Variants in MYOM2 observed in about 807,000 individuals in gnomAD.
The protein encoded by MYOM2 is myomesin 2, also known as myomesin-2.
MYOM2 carries 254 observed loss-of-function variants against 187.6 expected under a neutral mutation model. The observed-to-expected ratio is 1.35, with a 90% CI of 1.22 to 1.50. The LOEUF is 1.50. Ranked by LOEUF, MYOM2 falls within the 40% of genes most tolerant of loss-of-function variation. MYOM2 has a pLI of 0.00. For missense variants in MYOM2, 2,796 were observed against 1,924.0 expected, an observed-to-expected ratio of 1.45 and a Z score of -8.48; for synonymous variants, 981 against 753.8, an observed-to-expected ratio of 1.30 and a Z score of -4.94.
chr8:2,066,001 T>G (rs1819007206), intron 6 of MYOM2, among the ~76,000 whole-genome samples: 1 of 151,736 alleles, frequency 6.6e-6, no homozygotes, highest in Non-Finnish European at 1.5e-5. Flanking sequence ...AGCAGCAGGG[T>G]TTTCAAGGGG....
At chr8:2,095,743 G>A (rs776644175) in intron 17 of MYOM2, among the ~76,000 whole-genome samples, 1 of 152,190 alleles carries the variant, frequency 6.6e-6, no homozygotes, top group Non-Finnish European at 1.5e-5. Flanking sequence ...CGTTTCAAAT[G>A]CCCTGCTCAA....
At chr8:2,116,906 C>T (rs1016600107) in intron 27 of MYOM2, among the ~76,000 whole-genome samples, 6 of 150,608 alleles carry the variant, frequency 4.0e-5, no homozygotes, top group Admixed American at 6.7e-5. Flanking sequence ...TACAGGCGCC[C>T]GCCACTATGC....
intron 15 of MYOM2, 30 bp from the exon 16 acceptor site, chr8:2,092,316 T>C (rs895665871): frequency 6.2e-7 from 1 of 1,608,556 alleles, no homozygotes; most frequent in Middle Eastern, 1.7e-4. Context: ...CTGATGCCAT[T>C]TCACCACTCC....
intron 1 of MYOM2, among the ~76,000 whole-genome samples, chr8:2,050,517 C>G (rs183360563): frequency 2.6e-5 from 4 of 152,350 alleles, no homozygotes; most frequent in African/African-American, 7.2e-5. Context: ...GAAACAGCAG[C>G]CCAATCTTCC....
In MYOM2 at chr8:2,076,248, A is replaced by G. The variant is rs760942651; in HGVS notation, c.1228A>G (p.Thr410Ala). 9 of 1,613,530 alleles carry G rather than the reference A, an allele frequency of 5.6e-6. No homozygotes were observed. In the Admixed American group the frequency reaches 1.3e-4, roughly 24 times the overall value. ...IVTWKPPNTT[T>A]ESPVMGYFVD... ...GACCTGGAAGCCGCCCAACACCACC[A>G]CTGAGAGCCCCGTCATGGGCTATTT... The change falls in exon 11 of 37, where the codon ACT becomes GCT. Residue 410 changes from threonine to alanine, a missense_variant. Coordinates refer to ENST00000262113, the MANE Select transcript of MYOM2 (RefSeq NM_003970.4).
At chr8:2,084,987 C>T (rs952080692) in intron 13 of MYOM2, 8 of 408,170 alleles carry the variant, frequency 2.0e-5, no homozygotes, top group Non-Finnish European at 2.6e-5. Context: ...TAAATCCTTC[C>T]CCCTCTTCCA....
At chr8:2,089,352 A>G (rs923134980) in intron 14 of MYOM2, among the ~76,000 whole-genome samples, 6 of 152,124 alleles carry the variant, frequency 3.9e-5, no homozygotes, top group Non-Finnish European at 7.3e-5. Flanking sequence ...TAAAATAGCC[A>G]CATTAACGTG....
At position 2,102,693 on chromosome 8, in the gene MYOM2, C is replaced by T. The variant is rs779814607; in HGVS notation, c.2646C>T (p.Thr882=). Residue 882 remains threonine (T), a synonymous_variant, in exon 21 of 37, where the codon ACC becomes ACT. Coordinates refer to ENST00000262113, the MANE Select transcript of MYOM2 (RefSeq NM_003970.4). ...LKVSDLQQGK[T]YVFRVRAVNA... ...TCTCTGACCTGCAGCAAGGTAAGAC[C>T]TATGTCTTCAGGGTCCGGGCAGTCA... 4 of 1,613,698 alleles carry T rather than the reference C, an allele frequency of 2.5e-6. No individual in the cohort carries two copies. Among genetic ancestry groups the T allele is most frequent in the Non-Finnish European group, 3.4e-6 (4 of 1,179,600 alleles).
chr8:2,055,198 C>T (rs527459328), intron 3 of MYOM2, among the ~76,000 whole-genome samples: 165 of 152,200 alleles, frequency 1.1e-3, no homozygotes, highest in African/African-American at 3.7e-3. Flanking sequence ...GGGCATTTTC[C>T]CGCTTTGTTG....
In MYOM2 at chr8:2,085,257, C is replaced by A; in HGVS notation, c.1517-6C>A. ...TCAGCACTCACCGAATTTATTATTCCTCCAGGTGACGCCCAGGTTCCAGGG... is the reference window on the plus strand; with the variant it reads ...TCAGCACTCACCGAATTTATTATTCATCCAGGTGACGCCCAGGTTCCAGGG... On this transcript the variant is annotated splice_region_variant and splice_polypyrimidine_tract_variant and intron_variant, in intron 13 of 36. Coordinates refer to ENST00000262113, the MANE Select transcript of MYOM2 (RefSeq NM_003970.4). 6.2e-7 allele frequency: 1 copy of A among 1,613,752 alleles called. No homozygotes were observed. Among genetic ancestry groups the A allele is most frequent in the Non-Finnish European group, 8.5e-7 (1 of 1,179,780 alleles).
chr8:2,062,664 A>G (rs1729377721), intron 6 of MYOM2, among the ~76,000 whole-genome samples: 2 of 151,924 alleles, frequency 1.3e-5, no homozygotes, highest in South Asian at 4.2e-4. Flanking sequence ...GTTTTAATAG[A>G]CCGTAGGCCG....
intron 6 of MYOM2, among the ~76,000 whole-genome samples, chr8:2,067,102 CAGT>C (rs1819044114): frequency 6.6e-6 from 1 of 152,140 alleles, no homozygotes; most frequent in African/African-American, 2.4e-5. Context: ...AAAGAATTCT[CAGT>C]AGATAGCACA....
chr8:2,109,182 C>A, intron 24 of MYOM2: 1 of 554,692 alleles, frequency 1.8e-6, no homozygotes, highest in Non-Finnish European at 3.1e-6. Flanking sequence ...ATTTGCAAAG[C>A]TAACTGAGAA....
chr8:2,073,121 T>G (rs1322217727), intron 9 of MYOM2, among the ~76,000 whole-genome samples: 1 of 152,172 alleles, frequency 6.6e-6, no homozygotes, highest in Non-Finnish European at 1.5e-5. Context: ...TTTGACCCAC[T>G]CAAGTGGCAG....
intron 32 of MYOM2, among the ~76,000 whole-genome samples, chr8:2,138,230 C>T (rs1466007443): frequency 6.6e-6 from 1 of 152,218 alleles, no homozygotes; most frequent in Non-Finnish European, 1.5e-5. Context: ...CAGCCTGCAG[C>T]TTGCAAACAT....
At chr8:2,099,483 C>T (rs543320117) in intron 19 of MYOM2, among the ~76,000 whole-genome samples, 20 of 152,012 alleles carry the variant, frequency 1.3e-4, no homozygotes, top group Admixed American at 3.9e-4. Flanking sequence ...GGTTCTCATT[C>T]GTGGGTGAGC....
At chr8:2,129,322 A>G (rs1797771304) in intron 32 of MYOM2, 90 bp downstream of exon 32, 1 of 762,238 alleles carries the variant, frequency 1.3e-6, no homozygotes, top group South Asian at 1.7e-5. Context: ...GGGGAACATC[A>G]AGGCACTGCC....
At position 2,109,481 on chromosome 8, in the gene MYOM2, G is replaced by C. The variant is rs1394436257; in HGVS notation, c.3130G>C (p.Asp1044His). The change falls in exon 25 of 37, where the codon GAT (aspartate) becomes CAT (histidine). Residue 1044 changes from aspartate to histidine, a missense_variant. By Grantham distance (81) the Asp-to-His change is moderately conservative. Transcript: ENST00000262113. ...FWLQAEHLSP[D>H]ASYRFIINDR... ...GCTCCAGGCTGAGCACTTATCACCA[G>C]ATGCCAGCTACCGATTTATTATTAA... 1.9e-6 allele frequency: 3 copies of C among 1,613,356 alleles called. No individual in the cohort carries two copies. Among genetic ancestry groups the C allele is most frequent in the African/African-American group, 1.3e-5 (1 of 74,866 alleles).
intron 6 of MYOM2, among the ~76,000 whole-genome samples, chr8:2,064,590 G>C (rs1393458176): frequency 6.6e-6 from 1 of 152,230 alleles, no homozygotes; most frequent in Non-Finnish European, 1.5e-5. Flanking sequence ...AGTGGCTCCT[G>C]CCTCTGAGCA....
Sources: allele counts gnomAD v4.1 joint callset (sites outside exome capture counted in the v4.1 genomes callset), GRCh38; gene constraint gnomAD v4.1.1; transcripts MANE v1.5; gene names NCBI Gene and HGNC (gene_info 2026-07-23, HGNC 2026-07-21).